ADCY3: variants seen among roughly 807,000 people sequenced by gnomAD.
ADCY3 encodes adenylate cyclase type 3.
Under a neutral mutation model 119.4 loss-of-function variants are expected in ADCY3, and 70 were observed. The ratio of observed to expected loss-of-function variants is 0.59; its 90% CI spans 0.48 to 0.72. The LOEUF (loss-of-function observed/expected upper bound fraction) is 0.72. ADCY3 is among the 30% of genes least tolerant of loss of function. ADCY3 has a pLI of 0.00. For missense variants in ADCY3, 1,238 were observed against 1,541.6 expected (o/e 0.80, Z 3.30); for synonymous variants, 672 against 621.4 (o/e 1.08, Z -1.21).
intron 18 of ADCY3, 99 bp from the exon 19 acceptor site, chr2:24,822,729 C>A: frequency 6.8e-7 from 1 of 1,471,356 alleles, no homozygotes; most frequent in Admixed American, 2.0e-5. Flanking sequence ...CCACTAAACC[C>A]AAGAGACACT....
intron 2 of ADCY3, among the ~76,000 whole-genome samples, chr2:24,902,155 A>T (rs1184736246): frequency 6.9e-6 from 1 of 144,784 alleles, no homozygotes; most frequent in Non-Finnish European, 1.5e-5. Context: ...ATCATGGCTC[A>T]CTGCAGCCTC....
In ADCY3 at chr2:24,898,137, C is replaced by G. The variant is rs145535799; in HGVS notation, c.675+20176G>C. Among the ~76,000 whole-genome samples, 20 of 152,258 alleles carry G rather than the reference C, an allele frequency of 1.3e-4. No homozygotes were observed. The highest frequency in any genetic ancestry group is 4.8e-4 in the African/African-American group (20 of 41,552). On this transcript the variant is annotated intron_variant, in intron 2 of 21. Coordinates refer to ENST00000679454, the MANE Select transcript of ADCY3 (RefSeq NM_004036.5). This position sits in a 1 kb window ranked among gnomAD's most constrained non-coding sequence, Gnocchi z 4.3. ...ACCCCGTCTATGTTCACCCCCAGACCTTTGTTCACAAGCCACTGCCACTGC... is the reference window on the plus strand; with the variant it reads ...ACCCCGTCTATGTTCACCCCCAGACGTTTGTTCACAAGCCACTGCCACTGC...
Position 24,872,431 on chromosome 2 carries a change from T to A in ADCY3, c.825+139A>T, listed in dbSNP as rs2148815928. On this transcript the variant is annotated intron_variant, in intron 3 of 21. Transcript: ENST00000679454. This position sits in a 1 kb window ranked among gnomAD's most constrained non-coding sequence, Gnocchi z 4.4. ...TAGTGAGGAGCCCAGAAGACAAAGT[T>A]CAGAAGCAAACACCTGAACAGGGTG... 1 of 1,093,102 alleles carries A rather than the reference T, an allele frequency of 9.1e-7. No individual in the cohort carries two copies. The highest frequency in any genetic ancestry group is 1.3e-6 in the Non-Finnish European group (1 of 763,256). 67.7% of individuals were successfully genotyped at this position (1,093,102 alleles called of 1,614,324 possible).
chr2:24,912,277 A>T (rs1293964555), intron 2 of ADCY3, among the ~76,000 whole-genome samples: 3 of 151,724 alleles, frequency 2.0e-5, no homozygotes, highest in Non-Finnish European at 4.4e-5. Context: ...AGCCTGGGCA[A>T]CATGGTGAAA....
chr2:24,861,969 T>C (rs1673716383), intron 3 of ADCY3, among the ~76,000 whole-genome samples: 2 of 152,252 alleles, frequency 1.3e-5, no homozygotes, highest in African/African-American at 4.8e-5. Context: ...AATCCCATTT[T>C]CAGAAAATTA....
Position 24,821,506 on chromosome 2 carries a change from G to C in ADCY3, c.3127+11C>G, listed in dbSNP as rs188738597. The C allele has an allele frequency of 2.3e-4, 366 of 1,613,590 alleles. 2 individuals are homozygous for C. In the African/African-American group the frequency reaches 4.1e-3, roughly 18 times the overall value. The stretch of plus-strand genomic sequence containing the variant: ...AGCCTGCTGCGGGGCAGGCCAGCTG[G>C]GGGTGCTCACCTATGCGCAGCATGA... On this transcript the variant is annotated intron_variant, in intron 20 of 21. Coordinates refer to ENST00000679454, the MANE Select transcript of ADCY3 (RefSeq NM_004036.5).
At position 24,872,667 on chromosome 2, in the gene ADCY3, G is replaced by T; in HGVS notation, c.728C>A (p.Ser243Tyr). Residue 243 changes from serine to tyrosine, a missense_variant, in exon 3 of 22, where the codon TCC (serine) becomes TAC (tyrosine). Coordinates refer to ENST00000679454, the MANE Select transcript of ADCY3 (RefSeq NM_004036.5). This position sits in a 1 kb window ranked among gnomAD's most constrained non-coding sequence, Gnocchi z 4.4. ...GTGCTTGCGGTCAGCCATGTAGTAG[G>T]ACATGATGCCCACAGCGATGGCGCA... ...YLCAIAVGIMSYYMADRKHRK... is the reference protein window; with the variant it reads ...YLCAIAVGIMYYYMADRKHRK... The T allele has an allele frequency of 6.2e-7, 1 of 1,614,206 alleles. No individual in the cohort carries two copies. The highest frequency in any genetic ancestry group is 8.5e-7 in the Non-Finnish European group (1 of 1,180,038).
intron 20 of ADCY3, chr2:24,821,262 C>G: frequency 2.0e-6 from 1 of 496,084 alleles, no homozygotes; most frequent in South Asian, 2.8e-5. Context: ...ACTCACTTCT[C>G]AGCCAGGCAG....
At chr2:24,837,881 C>G (rs1488259077) in intron 8 of ADCY3, among the ~76,000 whole-genome samples, 1 of 152,188 alleles carries the variant, frequency 6.6e-6, no homozygotes, top group African/African-American at 2.4e-5. Flanking sequence ...CGATTGCAAG[C>G]TTGTTCAACC....
At chr2:24,905,951 G>A (rs1472233527) in intron 2 of ADCY3, among the ~76,000 whole-genome samples, 1 of 152,136 alleles carries the variant, frequency 6.6e-6, no homozygotes, top group Non-Finnish European at 1.5e-5. Context: ...GCCACCCGGG[G>A]TGAGGGTCGA....
At chr2:24,840,801 C>G (rs573434236) in intron 6 of ADCY3, among the ~76,000 whole-genome samples, 3 of 152,188 alleles carry the variant, frequency 2.0e-5, no homozygotes, top group Admixed American at 2.0e-4. Context: ...GCACAGAGGC[C>G]GGGGTGGGAT....
chr2:24,855,513 A>T (rs1672894624), intron 3 of ADCY3, among the ~76,000 whole-genome samples: 1 of 152,140 alleles, frequency 6.6e-6, no homozygotes, highest in African/African-American at 2.4e-5. Context: ...GGGTGCCCAG[A>T]TGTGGTTCTG....
chr2:24,834,927 G>T lies in ADCY3; in HGVS notation c.1672C>A (p.Pro558Thr). ...CTCCGGCGTGGGTTGGGGAATGAGG[G>T]GTTGTCGGCCTGTGAGCCAGGGAGG... ...PEEQDAQADN[P>T]SFPNPRRRLR... The change falls in exon 10 of 22, where the codon CCC becomes ACC. Residue 558 changes from proline (P) to threonine (T), a missense_variant. Physicochemically the swap from Pro to Thr is conservative, Grantham distance 38 (BLOSUM62 -1). Transcript: ENST00000679454. The surrounding 1 kb of genome is among the most constrained non-coding windows in gnomAD (Gnocchi z 4.2). The T allele has an allele frequency of 6.2e-7, 1 of 1,613,512 alleles. No individual in the cohort carries two copies. Among genetic ancestry groups the T allele is most frequent in the Non-Finnish European group, 8.5e-7 (1 of 1,179,916 alleles).
At chr2:24,879,788 G>A (rs6545782) in intron 2 of ADCY3, among the ~76,000 whole-genome samples, 16,217 of 151,826 alleles carry the variant, frequency 0.11, 2,599 homozygotes, top group African/African-American at 0.35. Flanking sequence ...CCCTCAATAC[G>A]ATCACCTTAG....
intron 7 of ADCY3, among the ~76,000 whole-genome samples, chr2:24,839,584 G>T (rs935572893): frequency 6.6e-6 from 1 of 152,190 alleles, no homozygotes; most frequent in African/African-American, 2.4e-5. Flanking sequence ...GTGGGTAAAG[G>T]GGAGGCAGCC....
chr2:24,883,252 GC>G (rs780645098), intron 2 of ADCY3, among the ~76,000 whole-genome samples: 4 of 152,106 alleles, frequency 2.6e-5, no homozygotes, highest in African/African-American at 4.8e-5. Context: ...GGAAGCTGAG[GC>G]AGAAGAATCG....
Position 24,866,564 on chromosome 2 carries a change from C to CAAAAAA in ADCY3, c.825+6000_825+6005dup, listed in dbSNP as rs71397449. Among the ~76,000 whole-genome samples, 74 of 46,520 alleles carry CAAAAAA rather than the reference C, an allele frequency of 1.6e-3. 2 individuals are homozygous for CAAAAAA. The highest frequency in any genetic ancestry group is 5.8e-3 in the African/African-American group (62 of 10,600). 30.5% of individuals were successfully genotyped at this position (46,520 alleles called of 152,430 possible). ...TGAGTGACAAAGCAAGACCCTGTCTCAAAAAAAAAAAAAAAAAAAAAGAAA... is the reference window on the plus strand; with the variant it reads ...TGAGTGACAAAGCAAGACCCTGTCTCAAAAAAAAAAAAAAAAAAAAAAAAAAAGAAA... On this transcript the variant is annotated intron_variant, in intron 3 of 21. Coordinates refer to ENST00000679454, the MANE Select transcript of ADCY3 (RefSeq NM_004036.5).
At chr2:24,854,079 G>A (rs1367819440) in intron 3 of ADCY3, among the ~76,000 whole-genome samples, 1 of 152,222 alleles carries the variant, frequency 6.6e-6, no homozygotes, top group Non-Finnish European at 1.5e-5. Flanking sequence ...TGTTCAGGCT[G>A]TGGTGTCTTG....
chr2:24,893,357 C>T (rs980467191), intron 2 of ADCY3, among the ~76,000 whole-genome samples: 8 of 148,038 alleles, frequency 5.4e-5, no homozygotes, highest in African/African-American at 1.6e-4. Context: ...GGCAGCAGAG[C>T]GAGAAAATTT....
Sources: gnomAD v4.1 joint callset for allele counts (sites outside exome capture counted in the v4.1 genomes callset) on GRCh38, gnomAD v4.1.1 for gene constraint, Gnocchi (gnomAD v3.1) non-coding constraint, MANE v1.5 for transcripts, NCBI Gene and HGNC (gene_info 2026-07-23, HGNC 2026-07-21) for gene names.